Variants in B3GNT5 observed in about 807,000 individuals in gnomAD.
B3GNT5 encodes the protein lactosylceramide 1,3-N-acetyl-beta-D-glucosaminyltransferase.
In B3GNT5, 11 loss-of-function variants were observed where a neutral mutation model predicts 25.9. That is an observed-to-expected ratio of 0.42 (90% CI 0.27 to 0.70). The LOEUF is 0.70. B3GNT5 is among the 30% of genes least tolerant of loss of function. The pLI, the probability that B3GNT5 is intolerant of heterozygous loss-of-function variation, is 0.23. For synonymous variants in B3GNT5, 166 were observed against 158.6 expected, an observed-to-expected ratio of 1.05 and a Z score of -0.35; for missense variants, 385 against 458.4, an observed-to-expected ratio of 0.84 and a Z score of 1.46.
At chr3:183,259,375 T>G (rs779734177) in intron 1 of B3GNT5, among the ~76,000 whole-genome samples, 1 of 152,196 alleles carries the variant, frequency 6.6e-6, no homozygotes, top group Non-Finnish European at 1.5e-5. Context: ...GGGCTGGGTA[T>G]GCATTTTAGG....
chr3:183,266,952 A>G (rs1349804009), intron 1 of B3GNT5, among the ~76,000 whole-genome samples: 1 of 151,870 alleles, frequency 6.6e-6, no homozygotes, highest in Non-Finnish European at 1.5e-5. Flanking sequence ...ACACCCGGCT[A>G]ATTTTTGAAT....
chr3:183,272,765 A>G lies in B3GNT5; in HGVS notation c.*1830A>G. The G allele has an allele frequency of 1.8e-6, 2 of 1,093,258 alleles. No individual in the cohort carries two copies. The highest frequency in any genetic ancestry group is 2.2e-6 in the Non-Finnish European group (2 of 890,832). 67.7% of individuals were successfully genotyped at this position (1,093,258 alleles called of 1,614,324 possible). On this transcript the variant is annotated 3_prime_UTR_variant, in exon 2 of 2. Transcript: ENST00000326505. Reference sequence around the variant, plus strand: ...TTATTAGTTGATTGATTAATGATGTATTGCCTTTTGCCCATATATACCCTG... The same window carrying G: ...TTATTAGTTGATTGATTAATGATGTGTTGCCTTTTGCCCATATATACCCTG...
intron 1 of B3GNT5, among the ~76,000 whole-genome samples, chr3:183,259,667 C>T (rs1034928031): frequency 3.9e-5 from 6 of 152,072 alleles, no homozygotes; most frequent in African/African-American, 7.2e-5. Context: ...TCCCTGAGTC[C>T]GGTACTTTTT....
intron 1 of B3GNT5, among the ~76,000 whole-genome samples, chr3:183,268,539 G>A (rs1446423133): frequency 6.6e-6 from 1 of 152,086 alleles, no homozygotes; most frequent in Non-Finnish European, 1.5e-5. Context: ...TTCAGGCATA[G>A]ATGAAAGAAG....
At chr3:183,264,921 T>C (rs1216424523) in intron 1 of B3GNT5, among the ~76,000 whole-genome samples, 1 of 152,238 alleles carries the variant, frequency 6.6e-6, no homozygotes, top group Admixed American at 6.5e-5. Flanking sequence ...CCTACTTCTA[T>C]TCTTTATTCT....
intron 1 of B3GNT5, among the ~76,000 whole-genome samples, chr3:183,257,146 G>GA (rs1312416853): frequency 6.6e-6 from 1 of 152,138 alleles, no homozygotes; most frequent in Non-Finnish European, 1.5e-5. Context: ...TGCACAGATG[G>GA]AACATCTAAT....
Position 183,270,596 on chromosome 3 carries a change from CAA to C in B3GNT5, c.800_801del (p.Lys267SerfsTer3). Reference sequence around the variant, plus strand: ...ATGTAATCTCCGGTGATGTAGCTGCCAAAGTCTATGAGGCATCACAGACACTA... The same window carrying C: ...ATGTAATCTCCGGTGATGTAGCTGCCAGTCTATGAGGCATCACAGACACTA... ...AYVISGDVAA[K>X]VYEASQTLNS... On this transcript the variant is annotated frameshift_variant, in exon 2 of 2. Coordinates refer to ENST00000326505, the MANE Select transcript of B3GNT5 (RefSeq NM_032047.5). LOFTEE classifies it high-confidence loss of function. The surrounding 1 kb of genome is among the most constrained non-coding windows in gnomAD (Gnocchi z 4.5). 6.2e-7 allele frequency: 1 copy of C among 1,614,154 alleles called. No homozygotes were observed. Among genetic ancestry groups the C allele is most frequent in the Non-Finnish European group, 8.5e-7 (1 of 1,180,036 alleles).
At chr3:183,261,636 A>C (rs1271472190) in intron 1 of B3GNT5, among the ~76,000 whole-genome samples, 1 of 152,178 alleles carries the variant, frequency 6.6e-6, no homozygotes, top group Non-Finnish European at 1.5e-5. Flanking sequence ...TGATTTTTTA[A>C]ATGAAGAAAA....
At position 183,257,080 on chromosome 3, in the gene B3GNT5, C is replaced by T. The variant is rs117897013; in HGVS notation, c.-302+3608C>T. ...AAACCTGAAAAAAAAATCAGCCATC[C>T]ATTAACTAACCCATCCTGGTAAAGC... On this transcript the variant is annotated intron_variant, in intron 1 of 1. Coordinates refer to ENST00000326505, the MANE Select transcript of B3GNT5 (RefSeq NM_032047.5). Among the ~76,000 whole-genome samples the T allele has an allele frequency of 1.4e-4, 22 of 152,226 alleles. No homozygotes were observed. The East Asian group carries it at 3.9e-3, about 27-fold the overall frequency.
intron 1 of B3GNT5, among the ~76,000 whole-genome samples, chr3:183,268,444 G>T (rs1381076722): frequency 1.3e-5 from 2 of 151,932 alleles, no homozygotes; most frequent in Admixed American, 1.3e-4. Context: ...ACATGAAGGG[G>T]TGAAGAGAGA....
At chr3:183,258,140 G>A (rs1195357249) in intron 1 of B3GNT5, among the ~76,000 whole-genome samples, 1 of 151,708 alleles carries the variant, frequency 6.6e-6, no homozygotes, top group Non-Finnish European at 1.5e-5. Flanking sequence ...GCTAATTTTT[G>A]TGTTTTTAGT....
Position 183,272,810 on chromosome 3 carries a change from G to GT in B3GNT5, c.*1878dup, listed in dbSNP as rs1726897062. 8.3e-7 allele frequency: 1 copy of GT among 1,201,514 alleles called. No individual in the cohort carries two copies. Among genetic ancestry groups the GT allele is most frequent in the African/African-American group, 1.6e-5 (1 of 62,922 alleles). 74.4% of individuals were successfully genotyped at this position (1,201,514 alleles called of 1,614,324 possible). On this transcript the variant is annotated 3_prime_UTR_variant, in exon 2 of 2. Transcript: ENST00000326505. ...ACCCTGTGTATCTATACTTGGAAGTGTTTAAGGTTGCCATTGGTTGAAAAC... is the reference window on the plus strand; with the variant it reads ...ACCCTGTGTATCTATACTTGGAAGTGTTTTAAGGTTGCCATTGGTTGAAAAC...
Position 183,270,583 on chromosome 3 carries a change from G to A in B3GNT5, c.785G>A (p.Gly262Asp), listed in dbSNP as rs1395593055. 1 of 1,614,176 alleles carries A rather than the reference G, an allele frequency of 6.2e-7. No homozygotes were observed. Among genetic ancestry groups the A allele is most frequent in the East Asian group, 2.2e-5 (1 of 44,882 alleles). ...YTAGAAYVIS[G>D]DVAAKVYEAS... Reference sequence around the variant, plus strand: ...GCCGGAGCTGCCTATGTAATCTCCGGTGATGTAGCTGCCAAAGTCTATGAG... The same window carrying A: ...GCCGGAGCTGCCTATGTAATCTCCGATGATGTAGCTGCCAAAGTCTATGAG... The change falls in exon 2 of 2, where the codon GGT becomes GAT. Residue 262 changes from glycine (G) to aspartate (D), a missense_variant. Coordinates refer to ENST00000326505, the MANE Select transcript of B3GNT5 (RefSeq NM_032047.5). This position sits in a 1 kb window ranked among gnomAD's most constrained non-coding sequence, Gnocchi z 4.5.
chr3:183,264,173 G>T (rs1381805539), intron 1 of B3GNT5, among the ~76,000 whole-genome samples: 1 of 152,156 alleles, frequency 6.6e-6, no homozygotes, highest in East Asian at 1.9e-4. Context: ...TGATTTTCAA[G>T]GTTCTCCATA....
Position 183,272,305 on chromosome 3 carries a change from A to G in B3GNT5, c.*1370A>G, listed in dbSNP as rs921391552. The G allele has an allele frequency of 6.0e-6, 6 of 1,000,312 alleles. No individual in the cohort carries two copies. The highest frequency in any genetic ancestry group is 6.0e-6 in the Non-Finnish European group (5 of 830,006). 62.0% of individuals were successfully genotyped at this position (1,000,312 alleles called of 1,614,324 possible). A position where few individuals can be genotyped will look rare whatever the true frequency, so the allele number is the denominator to read the frequency against. ...TGGTGTCTACTGCTAGGGAGATTAT[A>G]TGAAGGCCAAAATAATGACTTCAGC... On this transcript the variant is annotated 3_prime_UTR_variant, in exon 2 of 2. Coordinates refer to ENST00000326505, the MANE Select transcript of B3GNT5 (RefSeq NM_032047.5).
At position 183,270,254 on chromosome 3, in the gene B3GNT5, G is replaced by A; in HGVS notation, c.456G>A (p.Arg152=). ...GAAAACTGGCTTGGGAAGATCAAAG[G>A]TACAATGATATAATTCAGCAAGACT... is the stretch of plus-strand genomic sequence containing the variant. ...LQRKLAWEDQ[R]YNDIIQQDFV... The change falls in exon 2 of 2, where the codon AGG becomes AGA. Residue 152 remains arginine, a synonymous_variant. Coordinates refer to ENST00000326505, the MANE Select transcript of B3GNT5 (RefSeq NM_032047.5). The surrounding 1 kb of genome is among the most constrained non-coding windows in gnomAD (Gnocchi z 4.5). The A allele has an allele frequency of 3.1e-6, 5 of 1,614,056 alleles. No individual in the cohort carries two copies. The highest frequency in any genetic ancestry group is 1.1e-5 in the South Asian group (1 of 91,078).
rs76666646 is a variant in B3GNT5 at position 183,267,664 on chromosome 3, A to T, written c.-301-1834A>T. Reference sequence around the variant, plus strand: ...CCAGGAAACTAATGTACCACCCCCGAGGAAGAGAGCCTACCTTTCCATCCA... The same window carrying T: ...CCAGGAAACTAATGTACCACCCCCGTGGAAGAGAGCCTACCTTTCCATCCA... On this transcript the variant is annotated intron_variant, in intron 1 of 1. Coordinates refer to ENST00000326505, the MANE Select transcript of B3GNT5 (RefSeq NM_032047.5). The surrounding 1 kb of genome is among the most constrained non-coding windows in gnomAD (Gnocchi z 5.5). 0.021 allele frequency among the ~76,000 whole-genome samples: 3,141 copies of T among 152,320 alleles called. 52 individuals carry two copies. Among genetic ancestry groups the T allele is most frequent in the East Asian group, 0.055 (285 of 5,182 alleles).
chr3:183,270,607 AG>A lies in B3GNT5; in HGVS notation c.811del (p.Ala271HisfsTer5), dbSNP rs1726676669. On this transcript the variant is annotated frameshift_variant, in exon 2 of 2. Transcript: ENST00000326505. LOFTEE classifies it high-confidence loss of function. This position sits in a 1 kb window ranked among gnomAD's most constrained non-coding sequence, Gnocchi z 4.5. ...ISGDVAAKVY[E>X]ASQTLNSSLY... is the part of the protein sequence containing the mutation. Reference sequence around the variant, plus strand: ...GGTGATGTAGCTGCCAAAGTCTATGAGGCATCACAGACACTAAATTCAAGTC... The same window carrying A: ...GGTGATGTAGCTGCCAAAGTCTATGAGCATCACAGACACTAAATTCAAGTC... 6.2e-7 allele frequency: 1 copy of A among 1,614,096 alleles called. No individual in the cohort carries two copies. Among genetic ancestry groups the A allele is most frequent in the Non-Finnish European group, 8.5e-7 (1 of 1,180,058 alleles).
chr3:183,260,661 C>T (rs1289552734), intron 1 of B3GNT5, among the ~76,000 whole-genome samples: 6 of 151,224 alleles, frequency 4.0e-5, no homozygotes, highest in African/African-American at 1.2e-4. Flanking sequence ...TGAAATTCCC[C>T]GTCTTTACTT....
Sources: allele counts gnomAD v4.1 joint callset (sites outside exome capture counted in the v4.1 genomes callset), GRCh38; gene constraint gnomAD v4.1.1; non-coding constraint Gnocchi (gnomAD v3.1); transcripts MANE v1.5; gene names NCBI Gene and HGNC (gene_info 2026-07-23, HGNC 2026-07-21).